TASP1: variants seen among roughly 807,000 people sequenced by gnomAD.
TASP1 encodes the protein taspase 1, also known as threonine aspartase 1.
TASP1 carries 16 observed loss-of-function variants against 56.6 expected under a neutral mutation model. That is an observed-to-expected ratio of 0.28 (90% CI 0.19 to 0.43). The LOEUF is 0.43. TASP1 is among the 20% of genes least tolerant of loss of function. The pLI is 1.00. For missense variants in TASP1, 393 were observed against 511.6 expected (o/e 0.77, Z 2.24); for synonymous variants, 179 against 184.2 (o/e 0.97, Z 0.23).
At chr20:13,306,564 C>CAAAAAAAAAAAAAAAAAAAAAAAAAA in the TASP1 span, among the ~76,000 whole-genome samples, 13 of 63,908 alleles carry the variant, frequency 2.0e-4, no homozygotes, top group African/African-American at 3.6e-4. Context: ...GGAGAAAGGA[C>CAAAAAAAAAAAAAAAAAAAAAAAAAA]AAAAAAAAAA....
At chr20:13,348,148 C>A in the TASP1 span, among the ~76,000 whole-genome samples, 1 of 152,140 alleles carries the variant, frequency 6.6e-6, no homozygotes, top group Non-Finnish European at 1.5e-5. Flanking sequence ...TCATCCAACC[C>A]AAAATGTTGA....
the TASP1 span, among the ~76,000 whole-genome samples, chr20:13,272,318 T>C: frequency 3.3e-4 from 50 of 152,214 alleles, no homozygotes; most frequent in Non-Finnish European, 5.7e-4. Context: ...ACCAGCATCA[T>C]GGGAGCACGC....
chr20:13,565,846 G>A (rs895979139), intron 7 of TASP1, among the ~76,000 whole-genome samples: 3 of 151,880 alleles, frequency 2.0e-5, no homozygotes, highest in African/African-American at 7.3e-5. Context: ...TCCATTTCGG[G>A]GTACCCAAAA....
intron 13 of TASP1, among the ~76,000 whole-genome samples, chr20:13,408,929 C>A (rs1442339891): frequency 6.6e-6 from 1 of 151,598 alleles, no homozygotes; most frequent in African/African-American, 2.4e-5. Flanking sequence ...CAAAGAACTT[C>A]GTCTAGCTTT....
the TASP1 span, among the ~76,000 whole-genome samples, chr20:13,156,656 T>G: frequency 6.6e-6 from 1 of 152,232 alleles, no homozygotes; most frequent in African/African-American, 2.4e-5. Context: ...CAGTGTTAGC[T>G]TTCATTATTA....
the TASP1 span, among the ~76,000 whole-genome samples, chr20:13,302,144 CAAAG>C: frequency 1.3e-5 from 2 of 152,120 alleles, no homozygotes. Context: ...AGTGAAATCT[CAAAG>C]AGAACAGAGA....
intron 7 of TASP1, among the ~76,000 whole-genome samples, chr20:13,564,655 G>T (rs1287036710): frequency 2.0e-4 from 30 of 151,526 alleles, no homozygotes; most frequent in East Asian, 1.9e-4. Flanking sequence ...CAAAAAAAAA[G>T]TTGGAAGTCT....
chr20:13,457,828 T>C (rs2043903013), intron 11 of TASP1, among the ~76,000 whole-genome samples: 1 of 152,158 alleles, frequency 6.6e-6, no homozygotes, highest in Admixed American at 6.5e-5. Context: ...ACACTAATTT[T>C]AGTGATTCCA....
At chr20:13,135,846 G>T in the TASP1 span, among the ~76,000 whole-genome samples, 33 of 152,264 alleles carry the variant, frequency 2.2e-4, no homozygotes, top group African/African-American at 7.9e-4. Flanking sequence ...TTCTCTCTCA[G>T]CTATTACCTC....
At chr20:13,440,671 C>T (rs996541029) in intron 11 of TASP1, among the ~76,000 whole-genome samples, 2 of 135,164 alleles carry the variant, frequency 1.5e-5, no homozygotes, top group East Asian at 2.1e-4. Flanking sequence ...AACTCTCATA[C>T]TGATAAGCTA....
chr20:13,631,746 C>A (rs6033783), intron 1 of TASP1, among the ~76,000 whole-genome samples: 73,873 of 152,086 alleles, frequency 0.49, 19,214 homozygotes, highest in African/African-American at 0.68. Context: ...TTTTTCATAA[C>A]TAAGAAATTA....
chr20:13,498,142 T>C (rs1389369260), intron 10 of TASP1, among the ~76,000 whole-genome samples: 1 of 152,138 alleles, frequency 6.6e-6, no homozygotes, highest in Non-Finnish European at 1.5e-5. Flanking sequence ...AAAGAGCTTT[T>C]GCACAGCAAA....
At chr20:13,317,999 A>G in the TASP1 span, among the ~76,000 whole-genome samples, 2 of 152,116 alleles carry the variant, frequency 1.3e-5, no homozygotes, top group Admixed American at 1.3e-4. Flanking sequence ...GTCTGCATGA[A>G]AAAACAAGCC....
the TASP1 span, among the ~76,000 whole-genome samples, chr20:13,120,375 A>G: frequency 6.6e-6 from 1 of 152,234 alleles, no homozygotes; most frequent in Non-Finnish European, 1.5e-5. Context: ...AAGTTAAAGT[A>G]CACACATTCA....
chr20:13,561,898 A>G (rs560175039), intron 7 of TASP1, among the ~76,000 whole-genome samples: 14 of 152,178 alleles, frequency 9.2e-5, no homozygotes, highest in Non-Finnish European at 1.0e-4. Context: ...TAGCAAGACA[A>G]TATACACAAA....
At chr20:13,374,498 G>A in the TASP1 span, among the ~76,000 whole-genome samples, 11 of 151,878 alleles carry the variant, frequency 7.2e-5, no homozygotes, top group South Asian at 4.2e-4. Context: ...ACAGGCGCCC[G>A]CCACCGCGCC....
the TASP1 span, among the ~76,000 whole-genome samples, chr20:13,356,872 A>G: frequency 3.9e-5 from 6 of 152,066 alleles, no homozygotes; most frequent in Admixed American, 1.3e-4. Flanking sequence ...GCTTGAATTG[A>G]TCAATGGGGT....
chr20:13,305,694 T>G, the TASP1 span, among the ~76,000 whole-genome samples: 1 of 152,210 alleles, frequency 6.6e-6, no homozygotes, highest in Non-Finnish European at 1.5e-5. Context: ...TTTCTGAGGC[T>G]TAGTATTGGT....
chr20:13,466,301 G>A (rs1049978193), intron 11 of TASP1, among the ~76,000 whole-genome samples: 4 of 152,006 alleles, frequency 2.6e-5, no homozygotes, highest in Non-Finnish European at 2.9e-5. Context: ...TCACAAAAAC[G>A]TGTGAAATCT....
Sources: allele counts gnomAD v4.1 joint callset (sites outside exome capture counted in the v4.1 genomes callset), GRCh38; gene constraint gnomAD v4.1.1; transcripts MANE v1.5; gene names NCBI Gene and HGNC (gene_info 2026-07-23, HGNC 2026-07-21).